Variants in CFAP299 observed in about 807,000 individuals in gnomAD.
The protein encoded by CFAP299 is cilia and flagella associated protein 299, also known as cilia- and flagella-associated protein 299.
Under a neutral mutation model 27.0 loss-of-function variants are expected in CFAP299, and 21 were observed. That is an observed-to-expected ratio of 0.78 (90% CI 0.55 to 1.12). The LOEUF is 1.12. CFAP299 is among the 50% of genes most tolerant of loss of function. The probability of loss-of-function intolerance (pLI) is 0.00; values close to 1 mark genes in which losing one functional copy is unlikely to be tolerated. For synonymous variants in CFAP299, 104 were observed against 98.1 expected, an observed-to-expected ratio of 1.06 and a Z score of -0.36; for missense variants, 310 against 276.6, an observed-to-expected ratio of 1.12 and a Z score of -0.86.
intron 3 of CFAP299, among the ~76,000 whole-genome samples, chr4:80,850,645 C>A (rs1158697289): frequency 6.6e-6 from 1 of 151,938 alleles, no homozygotes; most frequent in Non-Finnish European, 1.5e-5. Context: ...ACATCATGAG[C>A]AATTCGCAAT....
intron 4 of CFAP299, among the ~76,000 whole-genome samples, chr4:80,910,121 C>T (rs1735392891): frequency 6.6e-6 from 1 of 151,958 alleles, no homozygotes; most frequent in South Asian, 2.1e-4. Context: ...TAAACTTTAC[C>T]CCAGAATTGA....
intron 2 of CFAP299, among the ~76,000 whole-genome samples, chr4:80,486,689 A>G (rs1730834653): frequency 6.6e-6 from 1 of 152,196 alleles, no homozygotes; most frequent in South Asian, 2.1e-4. Flanking sequence ...AGTACACCCT[A>G]CCTGAAGGTT....
In CFAP299 at chr4:80,409,791, A is replaced by C. The variant is rs142052447; in HGVS notation, c.242+46907A>C. On this transcript the variant is annotated intron_variant, in intron 2 of 5. Transcript: ENST00000358105. ...ACAGATGATAGCATACATGAGTACAAAGCAAGACGTAGAAAGAGCACTATA... is the reference window on the plus strand; with the variant it reads ...ACAGATGATAGCATACATGAGTACACAGCAAGACGTAGAAAGAGCACTATA... 2.6e-3 allele frequency among the ~76,000 whole-genome samples: 398 copies of C among 152,334 alleles called. 2 individuals are homozygous for C. The highest frequency in any genetic ancestry group is 0.01 in the Middle Eastern group (3 of 294).
At chr4:80,841,869 T>C (rs985679007) in intron 3 of CFAP299, among the ~76,000 whole-genome samples, 10 of 152,072 alleles carry the variant, frequency 6.6e-5, no homozygotes, top group African/African-American at 1.9e-4. Context: ...CAAGCCCTTT[T>C]CTAAATTTTT....
In CFAP299 at chr4:80,937,312, C is replaced by CTTTTTT. The variant is rs70956081; in HGVS notation, c.477-7481_477-7476dup. 9.3e-3 allele frequency among the ~76,000 whole-genome samples: 637 copies of CTTTTTT among 68,580 alleles called. 81 individuals carry two copies. The highest frequency in any genetic ancestry group is 0.035 in the African/African-American group (532 of 15,192). The allele number at this position is 68,580 out of a possible 152,430, so 45.0% of individuals were successfully genotyped here. ...TTTTCTTTTTTCTTTTTTTTTCTTTCTTTTTTTTTTTTTTTTTTTTTTGAG... is the reference window on the plus strand; with the variant it reads ...TTTTCTTTTTTCTTTTTTTTTCTTTCTTTTTTTTTTTTTTTTTTTTTTTTTTTTGAG... On this transcript the variant is annotated intron_variant, in intron 4 of 5. Transcript: ENST00000358105.
At chr4:80,721,690 A>G (rs552185442) in intron 3 of CFAP299, among the ~76,000 whole-genome samples, 1 of 152,332 alleles carries the variant, frequency 6.6e-6, no homozygotes. Context: ...AGTGATAAAT[A>G]GAAAATTTTA....
chr4:80,330,691 A>T, the CFAP299 span, among the ~76,000 whole-genome samples: 1 of 152,178 alleles, frequency 6.6e-6, no homozygotes, highest in Non-Finnish European at 1.5e-5. Context: ...CTTTATCAAA[A>T]AGAATTCTGA....
intron 2 of CFAP299, among the ~76,000 whole-genome samples, chr4:80,429,740 T>C (rs777933651): frequency 1.3e-5 from 2 of 152,184 alleles, no homozygotes; most frequent in Non-Finnish European, 2.9e-5. Context: ...ACTATGATTC[T>C]ATATGATTCT....
chr4:80,853,691 G>A (rs1731658434), intron 3 of CFAP299, among the ~76,000 whole-genome samples: 1 of 152,176 alleles, frequency 6.6e-6, no homozygotes, highest in Admixed American at 6.6e-5. Flanking sequence ...GACTATATAT[G>A]TTGAAGGTAG....
intron 3 of CFAP299, among the ~76,000 whole-genome samples, chr4:80,618,323 A>G (rs1436553885): frequency 6.6e-6 from 1 of 152,132 alleles, no homozygotes; most frequent in East Asian, 1.9e-4. Flanking sequence ...ATGTGTAAAA[A>G]TTTTCTCTCA....
chr4:80,426,746 TA>T (rs1425967386), intron 2 of CFAP299, among the ~76,000 whole-genome samples: 3 of 152,238 alleles, frequency 2.0e-5, no homozygotes, highest in Non-Finnish European at 4.4e-5. Flanking sequence ...ATGCCTGAGT[TA>T]GATTCTTGGT....
At chr4:80,564,048 C>A (rs1735166075) in intron 2 of CFAP299, among the ~76,000 whole-genome samples, 1 of 151,848 alleles carries the variant, frequency 6.6e-6, no homozygotes, top group East Asian at 1.9e-4. Flanking sequence ...AAAAAATCTC[C>A]TAGTAAAGAA....
At chr4:80,785,836 G>T (rs1225220111) in intron 3 of CFAP299, among the ~76,000 whole-genome samples, 6 of 152,064 alleles carry the variant, frequency 3.9e-5, no homozygotes, top group African/African-American at 1.4e-4. Flanking sequence ...TTAATTGAAA[G>T]AGTCTATAAG....
At chr4:80,746,328 T>A (rs1295417789) in intron 3 of CFAP299, among the ~76,000 whole-genome samples, 1 of 152,056 alleles carries the variant, frequency 6.6e-6, no homozygotes, top group African/African-American at 2.4e-5. Flanking sequence ...TTTAAAACTA[T>A]TATTACATAC....
chr4:80,402,975 A>T (rs1458304084), intron 2 of CFAP299, among the ~76,000 whole-genome samples: 2 of 152,228 alleles, frequency 1.3e-5, no homozygotes, highest in Non-Finnish European at 2.9e-5. Flanking sequence ...CACTCTAAAT[A>T]GGAGATTAGG....
chr4:80,674,420 G>A (rs1368788323), intron 3 of CFAP299, among the ~76,000 whole-genome samples: 1 of 152,072 alleles, frequency 6.6e-6, no homozygotes, highest in Non-Finnish European at 1.5e-5. Context: ...TCCCTTTGTG[G>A]GTAACCTGAC....
intron 2 of CFAP299, among the ~76,000 whole-genome samples, chr4:80,390,935 ATATATGTATG>A (rs1337445731): frequency 2.5e-5 from 1 of 39,688 alleles, no homozygotes; most frequent in African/African-American, 4.8e-5. Context: ...GTATATATGT[ATATATGTATG>A]TACACACATG....
At chr4:80,833,926 T>G (rs1200341786) in intron 3 of CFAP299, among the ~76,000 whole-genome samples, 3 of 152,182 alleles carry the variant, frequency 2.0e-5, no homozygotes, top group Non-Finnish European at 4.4e-5. Flanking sequence ...AAATGGAAGC[T>G]AAAGAGACCA....
intron 2 of CFAP299, among the ~76,000 whole-genome samples, chr4:80,424,943 C>T (rs1288538366): frequency 6.6e-6 from 1 of 152,096 alleles, no homozygotes; most frequent in African/African-American, 2.4e-5. Flanking sequence ...GCACATAGTC[C>T]ACGGATAGTG....
Sources: gnomAD v4.1 joint callset for allele counts (sites outside exome capture counted in the v4.1 genomes callset) on GRCh38, gnomAD v4.1.1 for gene constraint, MANE v1.5 for transcripts, NCBI Gene and HGNC (gene_info 2026-07-23, HGNC 2026-07-21) for gene names.